Variants in CADM2 observed in about 807,000 individuals in gnomAD.
CADM2 encodes the protein immunoglobulin superfamily member 4D.
CADM2 carries 12 observed loss-of-function variants against 49.8 expected under a neutral mutation model. The ratio of observed to expected loss-of-function variants is 0.24; its 90% CI spans 0.15 to 0.39. The LOEUF is 0.39. CADM2 is among the 10% of genes least tolerant of loss of function. The pLI, the probability that CADM2 is intolerant of heterozygous loss-of-function variation, is 1.00. For synonymous variants in CADM2, 214 were observed against 175.4 expected, an observed-to-expected ratio of 1.22 and a Z score of -1.74; for missense variants, 378 against 492.3, an observed-to-expected ratio of 0.77 and a Z score of 2.20.
chr3:85,108,249 T>C (rs571973239), intron 1 of CADM2, among the ~76,000 whole-genome samples: 7 of 152,196 alleles, frequency 4.6e-5, no homozygotes, highest in Admixed American at 2.6e-4. Flanking sequence ...AAATAGGTAT[T>C]TGTACAGTCA....
intron 1 of CADM2, among the ~76,000 whole-genome samples, chr3:85,428,319 A>G (rs2036506570): frequency 1.4e-5 from 2 of 146,992 alleles, no homozygotes; most frequent in Admixed American, 6.9e-5. Context: ...TTGAATATAT[A>G]TGATATATAA....
chr3:85,229,488 T>C (rs961190160), intron 1 of CADM2, among the ~76,000 whole-genome samples: 5 of 152,144 alleles, frequency 3.3e-5, no homozygotes, highest in African/African-American at 7.2e-5. Context: ...CCCAGTGAGA[T>C]GAACCAGATA....
chr3:85,564,405 T>G (rs2062193589), intron 1 of CADM2, among the ~76,000 whole-genome samples: 1 of 151,878 alleles, frequency 6.6e-6, no homozygotes, highest in African/African-American at 2.4e-5. Flanking sequence ...AGAGTAAGAG[T>G]CTAGCACGGG....
intron 1 of CADM2, among the ~76,000 whole-genome samples, chr3:85,241,181 T>G (rs2042522038): frequency 6.6e-6 from 1 of 151,432 alleles, no homozygotes; most frequent in Admixed American, 6.6e-5. Context: ...ACAATAAAAT[T>G]TTATTAAGCA....
intron 1 of CADM2, among the ~76,000 whole-genome samples, chr3:85,276,581 C>T (rs966587885): frequency 2.6e-5 from 4 of 151,120 alleles, no homozygotes; most frequent in African/African-American, 9.7e-5. Context: ...TTATAGTTCT[C>T]TGCTTTGAAC....
Position 85,172,644 on chromosome 3 carries a change from G to A in CADM2, c.61+212976G>A, listed in dbSNP as rs542161468. ...AACTTGTGAGAGTCTTTGAAGGCCA[G>A]GTTAAGAAGTTTGAATTGTTTTCTC... On this transcript the variant is annotated intron_variant, in intron 1 of 9. Coordinates refer to ENST00000383699, the MANE Select transcript of CADM2 (RefSeq NM_001167675.2). 8.1e-4 allele frequency among the ~76,000 whole-genome samples: 123 copies of A among 151,888 alleles called. 2 individuals are homozygous for A. The highest frequency in any genetic ancestry group is 1.5e-3 in the Non-Finnish European group (103 of 67,966).
At chr3:85,575,231 T>A (rs1185959811) in intron 1 of CADM2, among the ~76,000 whole-genome samples, 1 of 152,194 alleles carries the variant, frequency 6.6e-6, no homozygotes, top group Non-Finnish European at 1.5e-5. Context: ...TCAATGAAAA[T>A]GCATGAACTT....
chr3:85,063,948 C>T (rs1188369155), intron 1 of CADM2, among the ~76,000 whole-genome samples: 1 of 152,036 alleles, frequency 6.6e-6, no homozygotes, highest in Non-Finnish European at 1.5e-5. Flanking sequence ...TTTCAGGTCC[C>T]CTCCCCAGTA....
chr3:85,721,410 G>T (rs1018204642), intron 1 of CADM2, among the ~76,000 whole-genome samples: 1 of 152,142 alleles, frequency 6.6e-6, no homozygotes, highest in African/African-American at 2.4e-5. Flanking sequence ...CAGGCCTGCT[G>T]GGCTCATTTC....
intron 1 of CADM2, among the ~76,000 whole-genome samples, chr3:85,482,595 A>G (rs1394439661): frequency 6.6e-6 from 1 of 151,672 alleles, no homozygotes; most frequent in Non-Finnish European, 1.5e-5. Flanking sequence ...ATCTATTTAA[A>G]CATGTTAGAT....
At chr3:85,735,121 A>G (rs2068083407) in intron 2 of CADM2, among the ~76,000 whole-genome samples, 1 of 152,076 alleles carries the variant, frequency 6.6e-6, no homozygotes, top group Non-Finnish European at 1.5e-5. Flanking sequence ...TCAGTTTAAG[A>G]AAAAAACTTA....
At chr3:85,364,680 A>T (rs1011849040) in intron 1 of CADM2, among the ~76,000 whole-genome samples, 5 of 152,164 alleles carry the variant, frequency 3.3e-5, no homozygotes, top group Non-Finnish European at 7.3e-5. Context: ...ACAGCCCCCA[A>T]TCTTTGTAAT....
intron 3 of CADM2, among the ~76,000 whole-genome samples, chr3:85,817,077 T>C (rs548301404): frequency 3.3e-5 from 5 of 152,346 alleles, no homozygotes; most frequent in African/African-American, 7.2e-5. Context: ...CTGCAGGCTC[T>C]TGTGAGCCAC....
At chr3:85,031,549 C>G (rs763468986) in intron 1 of CADM2, among the ~76,000 whole-genome samples, 7 of 152,116 alleles carry the variant, frequency 4.6e-5, no homozygotes, top group Non-Finnish European at 1.0e-4. Context: ...GAGTCTCGCT[C>G]TGTCGCCCGG....
At chr3:85,147,662 T>A (rs1457391821) in intron 1 of CADM2, among the ~76,000 whole-genome samples, 1 of 148,122 alleles carries the variant, frequency 6.8e-6, no homozygotes, top group African/African-American at 2.5e-5. Flanking sequence ...TAAAGTGAGA[T>A]AATAATGTAG....
chr3:85,257,619 A>C (rs2042917572), intron 1 of CADM2, among the ~76,000 whole-genome samples: 1 of 152,116 alleles, frequency 6.6e-6, no homozygotes, highest in Admixed American at 6.6e-5. Context: ...TGGTCAAAAA[A>C]GAAAATTGAT....
chr3:85,364,291 TA>T (rs1285237770), intron 1 of CADM2, among the ~76,000 whole-genome samples: 9 of 152,192 alleles, frequency 5.9e-5, no homozygotes, highest in African/African-American at 4.8e-5. Context: ...GGCAGTACCA[TA>T]GAAATGACAA....
At chr3:85,536,381 A>G (rs1377386054) in intron 1 of CADM2, among the ~76,000 whole-genome samples, 1 of 146,230 alleles carries the variant, frequency 6.8e-6, no homozygotes, top group African/African-American at 2.4e-5. Flanking sequence ...GGAGCTAAAT[A>G]TTCCTTTTTC....
intron 1 of CADM2, among the ~76,000 whole-genome samples, chr3:85,208,062 A>C (rs916657813): frequency 6.6e-6 from 1 of 152,142 alleles, no homozygotes; most frequent in African/African-American, 2.4e-5. Context: ...TATTGTCTAC[A>C]ACACTGTATG....
Sources: gnomAD v4.1 joint callset for allele counts (sites outside exome capture counted in the v4.1 genomes callset) on GRCh38, gnomAD v4.1.1 for gene constraint, MANE v1.5 for transcripts, NCBI Gene and HGNC (gene_info 2026-07-23, HGNC 2026-07-21) for gene names.